GREB1L: variants seen among roughly 807,000 people sequenced by gnomAD.
GREB1L encodes GREB1-like protein.
GREB1L carries 17 observed loss-of-function variants against 200.8 expected under a neutral mutation model. The ratio of observed to expected loss-of-function variants is 0.08; its 90% CI spans 0.06 to 0.13. The LOEUF is 0.13. Among genes scored for constraint, GREB1L ranks in the 10% least tolerant of loss-of-function variants. The pLI is 1.00. For synonymous variants in GREB1L, 789 were observed against 893.0 expected, an observed-to-expected ratio of 0.88 and a Z score of 2.08; for missense variants, 1,657 against 2,367.7, an observed-to-expected ratio of 0.70 and a Z score of 6.23.
intron 7 of GREB1L, among the ~76,000 whole-genome samples, chr18:21,411,374 T>C (rs922450437): frequency 2.6e-5 from 4 of 151,958 alleles, no homozygotes; most frequent in African/African-American, 9.7e-5. Context: ...GGCCAGCTAA[T>C]TTTTTGTATT....
chr18:21,473,188 C>A lies in GREB1L; in HGVS notation c.2340C>A (p.Asp780Glu). ...ACACACTGTTTGTGCTAGTTCATGA[C>A]AACTCCCATGTGGAACTAACGAGGT... is the stretch of plus-strand genomic sequence containing the variant. ...NPYTLFVLVHDNSHVELTSVI... is the reference protein window; with the variant it reads ...NPYTLFVLVHENSHVELTSVI... Residue 780 changes from aspartate to glutamate, a missense_variant, in exon 16 of 33, where the codon GAC (aspartate) becomes GAA (glutamate). Asp to Glu is a conservative substitution (Grantham distance 45). Around this residue, in one of 9 missense-constraint regions of GREB1L, gnomAD observed 239 missense variants for 421.8 expected, o/e 0.57. Coordinates refer to ENST00000424526, the MANE Select transcript of GREB1L (RefSeq NM_001142966.3). 10 of 1,537,488 alleles carry A rather than the reference C, an allele frequency of 6.5e-6. No homozygotes were observed. Among genetic ancestry groups the A allele is most frequent in the Non-Finnish European group, 7.9e-6 (9 of 1,139,588 alleles).
intron 4 of GREB1L, among the ~76,000 whole-genome samples, chr18:21,389,086 C>T (rs59352482): frequency 6.6e-6 from 1 of 152,208 alleles, no homozygotes; most frequent in East Asian, 1.9e-4. Context: ...GAGTTATACT[C>T]CACATCCTTG....
rs1355189628 is a variant in GREB1L, at chr18:21,525,966, T to TAAAG, written c.*3147_*3150dup. On this transcript the variant is annotated 3_prime_UTR_variant, in exon 33 of 33. Transcript: ENST00000424526. The stretch of plus-strand genomic sequence containing the variant: ...GTAATGACAGACTTTCAGAGGAAAG[T>TAAAG]AAAGACTACTGGTGTTCCACTATAC... Among the ~76,000 whole-genome samples, 4 of 152,248 alleles carry TAAAG rather than the reference T, an allele frequency of 2.6e-5. No individual in the cohort carries two copies. The highest frequency in any genetic ancestry group is 1.9e-4 in the East Asian group (1 of 5,186).
intron 15 of GREB1L, among the ~76,000 whole-genome samples, chr18:21,455,453 G>A (rs1314803533): frequency 2.6e-5 from 4 of 152,016 alleles, no homozygotes; most frequent in Admixed American, 6.6e-5. Context: ...AGGCCAAGGC[G>A]GGTGGATCAC....
At chr18:21,403,688 A>G (rs2041410793) in intron 6 of GREB1L, among the ~76,000 whole-genome samples, 184 bp from the exon 7 acceptor site, 1 of 152,262 alleles carries the variant, frequency 6.6e-6, no homozygotes, top group Admixed American at 6.5e-5. Context: ...TTCCAAACAA[A>G]AGCATTGTGT....
At chr18:21,477,503 C>T in intron 17 of GREB1L, 147 bp downstream of exon 17, 1 of 638,988 alleles carries the variant, frequency 1.6e-6, no homozygotes, top group Non-Finnish European at 2.3e-6. Flanking sequence ...GTTCAAAAAT[C>T]TGGCTGGGTG....
intron 29 of GREB1L, 83 bp from the exon 30 acceptor site, chr18:21,516,530 G>C: frequency 7.6e-7 from 1 of 1,307,750 alleles, no homozygotes; most frequent in Non-Finnish European, 1.1e-6. Flanking sequence ...CTAATATCTT[G>C]CCACACATTT....
In GREB1L at chr18:21,513,738, G is replaced by A. The variant is rs527776260; in HGVS notation, c.4736-83G>A. 3,063 of 1,294,402 alleles carry A rather than the reference G, an allele frequency of 2.4e-3. 5 individuals carry two copies. The highest frequency in any genetic ancestry group is 3.1e-3 in the Non-Finnish European group (2,893 of 932,376). The allele number at this position is 1,294,402 out of a possible 1,614,324, so 80.2% of individuals were successfully genotyped here. ...CCCATGTGAACAGGCATTCTGTGGAGAGAATATAGCTGCCTGTGGGGCTTC... is the reference window on the plus strand; with the variant it reads ...CCCATGTGAACAGGCATTCTGTGGAAAGAATATAGCTGCCTGTGGGGCTTC... On this transcript the variant is annotated intron_variant, in intron 27 of 32. Coordinates refer to ENST00000424526, the MANE Select transcript of GREB1L (RefSeq NM_001142966.3).
At chr18:21,282,819 C>T (rs1349519599) in intron 1 of GREB1L, among the ~76,000 whole-genome samples, 3 of 152,126 alleles carry the variant, frequency 2.0e-5, no homozygotes, top group Non-Finnish European at 4.4e-5. Context: ...AGGCTGGTCT[C>T]GAACCCCTGA....
chr18:21,462,879 T>C (rs1297283229), intron 15 of GREB1L, among the ~76,000 whole-genome samples: 2 of 152,210 alleles, frequency 1.3e-5, no homozygotes, highest in Non-Finnish European at 2.9e-5. Context: ...TAAAATTTAA[T>C]ACAAACAAAT....
intron 2 of GREB1L, among the ~76,000 whole-genome samples, chr18:21,366,750 A>G (rs1263985039): frequency 6.6e-6 from 1 of 151,946 alleles, no homozygotes; most frequent in Non-Finnish European, 1.5e-5. Flanking sequence ...GGAAGTTACA[A>G]TGTGCTTAAA....
intron 21 of GREB1L, among the ~76,000 whole-genome samples, chr18:21,499,430 C>T (rs1454831639): frequency 6.6e-6 from 1 of 152,146 alleles, no homozygotes; most frequent in Admixed American, 6.5e-5. Context: ...CTCTCCAGAC[C>T]TGAGCCGCAG....
At chr18:21,394,578 A>ATCTTGTCATG (rs1476752309) in intron 4 of GREB1L, among the ~76,000 whole-genome samples, 1 of 152,178 alleles carries the variant, frequency 6.6e-6, no homozygotes, top group Non-Finnish European at 1.5e-5. Context: ...ATTTTGTCAC[A>ATCTTGTCATG]TCTTGTCATG....
chr18:21,500,132 G>T lies in GREB1L; in HGVS notation c.3795G>T (p.Val1265=). ...TGCCCCACGCCGACGTGGCCTGGGT[G>T]AGCTCCCTGCGGCCACTCCTGAACA... The part of the protein sequence containing the change: ...SLLPHADVAW[V]SSLRPLLNKD... Residue 1265 remains valine, a synonymous_variant, in exon 22 of 33, where the codon GTG becomes GTT. Transcript: ENST00000424526. The T allele has an allele frequency of 6.4e-7, 1 of 1,551,634 alleles. No individual in the cohort carries two copies. Among genetic ancestry groups the T allele is most frequent in the Non-Finnish European group, 8.7e-7 (1 of 1,147,010 alleles).
At chr18:21,514,008 G>A (rs964056828) in intron 28 of GREB1L, 22 bp downstream of exon 28, 59 of 1,547,334 alleles carry the variant, frequency 3.8e-5, no homozygotes, top group Middle Eastern at 1.7e-4. Context: ...AGCTGGGGGC[G>A]TATGACACAA....
chr18:21,474,364 A>G (rs746488783), intron 16 of GREB1L, among the ~76,000 whole-genome samples: 4 of 152,226 alleles, frequency 2.6e-5, no homozygotes, highest in Admixed American at 6.5e-5. Context: ...CAAAGAGGCT[A>G]CTGGCACCAG....
intron 15 of GREB1L, 69 bp downstream of exon 15, chr18:21,454,632 G>C (rs1407324173): frequency 2.1e-5 from 25 of 1,198,966 alleles, no homozygotes; most frequent in Non-Finnish European, 2.9e-5. Flanking sequence ...TCTTTCTTTT[G>C]CTTAATCCAA....
intron 18 of GREB1L, among the ~76,000 whole-genome samples, chr18:21,489,368 G>A (rs1359476722): frequency 6.6e-6 from 1 of 152,184 alleles, no homozygotes; most frequent in Non-Finnish European, 1.5e-5. Context: ...CCAAGGAACA[G>A]TTTATGGAAA....
chr18:21,411,217 T>G (rs76255890), intron 7 of GREB1L, among the ~76,000 whole-genome samples: 1,607 of 151,864 alleles, frequency 0.011, 35 homozygotes, highest in African/African-American at 0.036. Context: ...GATTCTTTTT[T>G]TTTTTTTGAG....
Sources: allele counts gnomAD v4.1 joint callset (sites outside exome capture counted in the v4.1 genomes callset), GRCh38; gene constraint gnomAD v4.1.1; regional missense constraint gnomAD v4.1.1; transcripts MANE v1.5; gene names NCBI Gene and HGNC (gene_info 2026-07-23, HGNC 2026-07-21).